The following KBTBD11 variants were observed in gnomAD, a reference collection of about 807,000 sequenced individuals.
The protein encoded by KBTBD11 is kelch repeat and BTB domain containing 11.
For missense variants in KBTBD11, 1,390 were observed against 1,001.8 expected, an observed-to-expected ratio of 1.39 and a Z score of -5.23; for synonymous variants, 747 against 499.0, an observed-to-expected ratio of 1.50 and a Z score of -6.63.
In KBTBD11 at chr8:2,001,164, G is replaced by T. The variant is rs1371962616; in HGVS notation, c.-29G>T. On this transcript the variant is annotated 5_prime_UTR_variant, in exon 2 of 2. Transcript: ENST00000320248. ...ACCTGCAGGCTGCGGAACCGGGGGC[G>T]CGCGGGCGCAGCGCAGCACAGCCCG... The T allele has an allele frequency of 7.7e-7, 1 of 1,295,948 alleles. No individual in the cohort carries two copies. Among genetic ancestry groups the T allele is most frequent in the African/African-American group, 1.5e-5 (1 of 64,880 alleles). The allele number at this position is 1,295,948 out of a possible 1,614,324, so 80.3% of individuals were successfully genotyped here.
chr8:1,983,635 G>GT (rs1816613720), intron 1 of KBTBD11, among the ~76,000 whole-genome samples: 1 of 152,182 alleles, frequency 6.6e-6, no homozygotes, highest in Non-Finnish European at 1.5e-5. Context: ...ACCTGGGGCA[G>GT]TTTTGTGCAA....
intron 1 of KBTBD11, among the ~76,000 whole-genome samples, chr8:1,991,170 G>T (rs1314572404): frequency 2.0e-5 from 3 of 152,228 alleles, no homozygotes; most frequent in Non-Finnish European, 4.4e-5. Flanking sequence ...TCCTGCTGTG[G>T]GCCTCTGTAG....
chr8:1,980,090 T>C (rs1386599508), intron 1 of KBTBD11, among the ~76,000 whole-genome samples: 1 of 152,220 alleles, frequency 6.6e-6, no homozygotes, highest in Non-Finnish European at 1.5e-5. Flanking sequence ...ATGAATCTCT[T>C]GGGATTTGTA....
chr8:1,981,238 C>T lies in KBTBD11; in HGVS notation c.-909+7303C>T, dbSNP rs1488156572. Among the ~76,000 whole-genome samples, 7 of 152,158 alleles carry T rather than the reference C, an allele frequency of 4.6e-5. No individual in the cohort carries two copies. The East Asian group carries it at 5.8e-4, about 13-fold the overall frequency. ...GGAGAGAAAGACTTTGCCAAGCAAA[C>T]ATCAGCTGAGGGAGTTCACCACCAC... On this transcript the variant is annotated intron_variant, in intron 1 of 1. Transcript: ENST00000320248.
intron 1 of KBTBD11, among the ~76,000 whole-genome samples, chr8:1,991,245 C>G (rs562582257): frequency 6.6e-6 from 1 of 152,214 alleles, no homozygotes; most frequent in Non-Finnish European, 1.5e-5. Flanking sequence ...GCTAGGGCAG[C>G]GGCTGCACCG....
intron 1 of KBTBD11, among the ~76,000 whole-genome samples, chr8:1,979,712 A>G (rs1816475247): frequency 6.6e-6 from 1 of 152,184 alleles, no homozygotes; most frequent in Non-Finnish European, 1.5e-5. Flanking sequence ...GACACATAAA[A>G]GTACCTATCA....
intron 1 of KBTBD11, among the ~76,000 whole-genome samples, chr8:1,989,058 A>G (rs552599317): frequency 4.6e-4 from 70 of 152,248 alleles, no homozygotes; most frequent in African/African-American, 1.7e-3. Flanking sequence ...CATTGCTCAG[A>G]GTTGGGTTTC....
chr8:2,002,713 G>A lies in KBTBD11; in HGVS notation c.1521G>A (p.Leu507=). 1 of 1,526,286 alleles carries A rather than the reference G, an allele frequency of 6.6e-7. No individual in the cohort carries two copies. The highest frequency in any genetic ancestry group is 1.2e-5 in the South Asian group (1 of 82,366). 94.5% of individuals were successfully genotyped at this position (1,526,286 alleles called of 1,614,324 possible). A position where few individuals can be genotyped will look rare whatever the true frequency, so the allele number is the denominator to read the frequency against. Residue 507 remains leucine, a synonymous_variant, in exon 2 of 2, where the codon CTG becomes CTA. Coordinates refer to ENST00000320248, the MANE Select transcript of KBTBD11 (RefSeq NM_014867.3). The surrounding 1 kb of genome is among the most constrained non-coding windows in gnomAD (Gnocchi z 4.1). ...ALDGFIYRFD[L]SGSRGEAQAA... The stretch of plus-strand genomic sequence containing the variant: ...ACGGCTTCATCTACCGCTTCGATCT[G>A]AGCGGCAGCCGCGGCGAGGCGCAGG...
At chr8:1,993,487 G>A (rs530986665) in intron 1 of KBTBD11, among the ~76,000 whole-genome samples, 75 of 55,990 alleles carry the variant, frequency 1.3e-3, no homozygotes, top group Middle Eastern at 0.011. Flanking sequence ...CCATCTATCC[G>A]TCCATCCGTC....
chr8:1,998,096 C>G (rs544699273), intron 1 of KBTBD11, among the ~76,000 whole-genome samples: 1 of 152,336 alleles, frequency 6.6e-6, no homozygotes, highest in African/African-American at 2.4e-5. Flanking sequence ...GCTCCAAAAT[C>G]TGAACTGTTT....
chr8:1,998,893 T>C (rs570846428), intron 1 of KBTBD11, among the ~76,000 whole-genome samples: 40 of 152,202 alleles, frequency 2.6e-4, no homozygotes, highest in Non-Finnish European at 5.3e-4. Context: ...TACATTGTGG[T>C]CCTTTCCCCG....
rs1488636945 is a variant in KBTBD11, at chr8:2,001,555, G to A, written c.363G>A (p.Glu121=). The A allele has an allele frequency of 4.2e-6, 6 of 1,429,324 alleles. No individual in the cohort carries two copies. In the Admixed American group the frequency reaches 1.4e-4, roughly 33 times the overall value. 88.5% of individuals were successfully genotyped at this position (1,429,324 alleles called of 1,614,324 possible). ...RVWLEDPASP[E]EPGEPAPVPP... is the part of the protein sequence containing the mutation. The stretch of plus-strand genomic sequence containing the variant: ...GGCTTGAGGACCCCGCGTCCCCCGA[G>A]GAGCCCGGGGAGCCCGCGCCCGTAC... The change falls in exon 2 of 2, where the codon GAG becomes GAA. Residue 121 remains glutamate, a synonymous_variant. Transcript: ENST00000320248.
chr8:1,983,171 G>A (rs746373662), intron 1 of KBTBD11, among the ~76,000 whole-genome samples: 1 of 152,204 alleles, frequency 6.6e-6, no homozygotes, highest in Non-Finnish European at 1.5e-5. Context: ...ACCCACAAAA[G>A]CAGAGCCACA....
intron 1 of KBTBD11, among the ~76,000 whole-genome samples, chr8:1,991,277 T>G (rs1255516700): frequency 1.3e-5 from 2 of 152,242 alleles, no homozygotes; most frequent in East Asian, 3.9e-4. Context: ...CACACCGCGT[T>G]GAACTCCAGG....
chr8:1,987,691 G>A (rs914070147), intron 1 of KBTBD11, among the ~76,000 whole-genome samples: 2 of 151,908 alleles, frequency 1.3e-5, no homozygotes, highest in Admixed American at 1.3e-4. Flanking sequence ...CACCACAGTA[G>A]AACCAGGTTC....
rs185116856 is a variant in KBTBD11, at chr8:2,000,166, C to G, written c.-908-119C>G. Reference sequence around the variant, plus strand: ...GCAGAGAAAAATCACAACCCCTTTACAACCAAAACTGAATTCTATAATCTG... The same window carrying G: ...GCAGAGAAAAATCACAACCCCTTTAGAACCAAAACTGAATTCTATAATCTG... On this transcript the variant is annotated intron_variant, in intron 1 of 1. Transcript: ENST00000320248. 56 of 152,340 alleles carry G rather than the reference C, an allele frequency of 3.7e-4. No homozygotes were observed. In the East Asian group the frequency reaches 9.4e-3, roughly 26 times the overall value. The allele number at this position is 152,340 out of a possible 1,614,324, so 9.4% of individuals were successfully genotyped here.
rs762869775 is a variant in KBTBD11 at position 2,003,060 on chromosome 8, C to A, written c.1868C>A (p.Pro623Gln). 1.6e-6 allele frequency: 2 copies of A among 1,262,484 alleles called. No homozygotes were observed. Among genetic ancestry groups the A allele is most frequent in the Admixed American group, 4.2e-5 (1 of 23,796 alleles). The allele number at this position is 1,262,484 out of a possible 1,614,324, so 78.2% of individuals were successfully genotyped here. A position where few individuals can be genotyped will look rare whatever the true frequency, so the allele number is the denominator to read the frequency against. The change falls in exon 2 of 2, where the codon CCG (proline) becomes CAG (glutamine). Residue 623 changes from proline (P) to glutamine (Q), a missense_variant. Physicochemically the swap from Pro to Gln is moderately conservative, Grantham distance 76. Coordinates refer to ENST00000320248, the MANE Select transcript of KBTBD11 (RefSeq NM_014867.3). ...CCGCCCCGAGGGGAGCAGGGCGCCC[C>A]GTAGGCCGGCGGGGTCGGCGGGCGT... is the stretch of plus-strand genomic sequence containing the variant. ...EKPPRGEQGAP is the reference protein window; with the variant it reads ...EKPPRGEQGAQ
At chr8:1,995,888 G>C (rs1478862253) in intron 1 of KBTBD11, among the ~76,000 whole-genome samples, 2 of 152,108 alleles carry the variant, frequency 1.3e-5, no homozygotes, top group East Asian at 3.9e-4. Context: ...AGCCAGCTGT[G>C]GTGGTGCGCC....
intron 1 of KBTBD11, among the ~76,000 whole-genome samples, chr8:1,982,568 T>C (rs528588300): frequency 1.3e-5 from 2 of 152,190 alleles, no homozygotes; most frequent in South Asian, 4.2e-4. Flanking sequence ...GAACAGATAC[T>C]CCACGCAAAT....
Sources: gnomAD v4.1 joint callset for allele counts (sites outside exome capture counted in the v4.1 genomes callset) on GRCh38, gnomAD v4.1.1 for gene constraint, Gnocchi (gnomAD v3.1) non-coding constraint, MANE v1.5 for transcripts, NCBI Gene and HGNC (gene_info 2026-07-23, HGNC 2026-07-21) for gene names.